The following SVIL variants were observed in gnomAD, a reference collection of about 807,000 sequenced individuals.
The protein encoded by SVIL is supervillin.
SVIL carries 101 observed loss-of-function variants against 240.4 expected under a neutral mutation model. That is an observed-to-expected ratio of 0.42 (90% CI 0.36 to 0.50). SVIL has a LOEUF of 0.50. Ranked by LOEUF, SVIL falls within the 20% of genes least tolerant of loss-of-function variation. SVIL has a pLI of 0.01. For missense variants in SVIL, 2,512 were observed against 2,818.7 expected (o/e 0.89, Z 2.46); for synonymous variants, 999 against 1,100.0 (o/e 0.91, Z 1.82).
intron 1 of SVIL, among the ~76,000 whole-genome samples, chr10:29,634,154 T>G (rs1752796): frequency 1 from 151,784 of 151,814 alleles, 75,877 homozygotes; most frequent in Middle Eastern, 1. Flanking sequence ...TAATCAAATT[T>G]TTAGTATTAA....
intron 5 of SVIL, among the ~76,000 whole-genome samples, chr10:29,551,489 C>T (rs1379491616): frequency 1.3e-5 from 2 of 152,248 alleles, no homozygotes; most frequent in Non-Finnish European, 2.9e-5. Flanking sequence ...GCACGTTCTG[C>T]AAGCCCCGTA....
chr10:29,582,872 C>T (rs575803214), intron 1 of SVIL, among the ~76,000 whole-genome samples: 7 of 152,222 alleles, frequency 4.6e-5, no homozygotes, highest in South Asian at 2.1e-4. Flanking sequence ...CCTCTCCTCT[C>T]GTGAGAAGAA....
At chr10:29,699,427 T>C (rs1962335215) in intron 1 of SVIL, among the ~76,000 whole-genome samples, 1 of 152,256 alleles carries the variant, frequency 6.6e-6, no homozygotes, top group African/African-American at 2.4e-5. Context: ...CTCAGCCTCC[T>C]GAGTAGCTGG....
chr10:29,534,137 CAGAACTAATGAA>C (rs1951575373), intron 7 of SVIL, among the ~76,000 whole-genome samples: 1 of 152,178 alleles, frequency 6.6e-6, no homozygotes, highest in African/African-American at 2.4e-5. Context: ...TAGTTGCTGA[CAGAACTAATGAA>C]GTGAACATTT....
chr10:29,510,338 G>A (rs1185394540), intron 17 of SVIL, among the ~76,000 whole-genome samples: 3 of 152,048 alleles, frequency 2.0e-5, no homozygotes, highest in Non-Finnish European at 4.4e-5. Context: ...TTTTTAATGT[G>A]ACTCCAAGGA....
intron 1 of SVIL, among the ~76,000 whole-genome samples, chr10:29,706,409 T>C (rs1289662246): frequency 6.6e-6 from 1 of 152,228 alleles, no homozygotes; most frequent in Non-Finnish European, 1.5e-5. Flanking sequence ...AGATCAGTAA[T>C]GTCAAGCTTT....
intron 1 of SVIL, among the ~76,000 whole-genome samples, chr10:29,629,429 A>C (rs541167088): frequency 2.8e-4 from 43 of 152,200 alleles, no homozygotes; most frequent in South Asian, 1.2e-3. Flanking sequence ...TGTTTGTTGA[A>C]TCTCTAAGTC....
Position 29,735,534 on chromosome 10 carries a change from G to A in SVIL, c.-400+217C>T, listed in dbSNP as rs1249409511. Among the ~76,000 whole-genome samples the A allele has an allele frequency of 8.0e-5, 12 of 150,242 alleles. No homozygotes were observed. The highest frequency in any genetic ancestry group is 2.9e-4 in the African/African-American group (12 of 41,076). On this transcript the variant is annotated intron_variant, in intron 1 of 35. Coordinates refer to the SVIL transcript ENST00000375400. This position sits in a 1 kb window ranked among gnomAD's most constrained non-coding sequence, Gnocchi z 4.1. ...TTACGGCTCGGGGACCCCGCGGGCC[G>A]AGCGCAGCGCCCCGTCGCAGCGGCC...
intron 3 of SVIL, among the ~76,000 whole-genome samples, chr10:29,561,584 ATTT>A (rs199711026): frequency 6.9e-6 from 1 of 144,660 alleles, no homozygotes; most frequent in Non-Finnish European, 1.5e-5. Context: ...CTCAGAGGAA[ATTT>A]TTTTTTTTTT....
At position 29,532,024 on chromosome 10, in the gene SVIL, C is replaced by A; in HGVS notation, c.1987G>T (p.Ala663Ser). The stretch of plus-strand genomic sequence containing the variant: ...TACCTATCCGATTCCTTTCGTTCTG[C>A]TGAAGTTATAGGTTGGGTTCTAAAT... ...ERFRTQPITS[A>S]ERKESDRCTS... The change falls in exon 9 of 38, where the codon GCA (alanine) becomes TCA (serine). Residue 663 changes from alanine (A) to serine (S), a missense_variant. By Grantham distance (99) the Ala-to-Ser change is moderately conservative. Around this residue, in one of 3 missense-constraint regions of SVIL, gnomAD observed 1,443 missense variants for 1,486.6 expected, o/e 0.97. Coordinates refer to ENST00000355867, the MANE Select transcript of SVIL (RefSeq NM_021738.3). The A allele has an allele frequency of 6.2e-7, 1 of 1,614,172 alleles. No homozygotes were observed. Among genetic ancestry groups the A allele is most frequent in the Non-Finnish European group, 8.5e-7 (1 of 1,180,028 alleles).
At chr10:29,630,125 C>G (rs143106538) in intron 1 of SVIL, among the ~76,000 whole-genome samples, 93 of 152,232 alleles carry the variant, frequency 6.1e-4, no homozygotes, top group African/African-American at 2.1e-3. Flanking sequence ...CTGTCCGAGA[C>G]ACTCTGGGAA....
At chr10:29,471,383 G>C (rs1460528637) in intron 30 of SVIL, 140 bp from the exon 31 acceptor site, 3 of 648,430 alleles carry the variant, frequency 4.6e-6, no homozygotes, top group Non-Finnish European at 7.7e-6. Context: ...CACCTAAAGA[G>C]AAGCTCTGCG....
intron 3 of SVIL, among the ~76,000 whole-genome samples, chr10:29,645,896 G>C (rs999083102): frequency 1.3e-5 from 2 of 152,228 alleles, no homozygotes; most frequent in Non-Finnish European, 2.9e-5. Flanking sequence ...AAAGGGAAGA[G>C]AGAAAATAAA....
chr10:29,546,348 A>C (rs1312284158), intron 6 of SVIL, among the ~76,000 whole-genome samples: 1 of 152,130 alleles, frequency 6.6e-6, no homozygotes, highest in Non-Finnish European at 1.5e-5. Context: ...TACTTCACCT[A>C]TTTCGTTACT....
At chr10:29,613,446 C>A (rs1477627118) in intron 1 of SVIL, among the ~76,000 whole-genome samples, 3 of 152,116 alleles carry the variant, frequency 2.0e-5, no homozygotes, top group Non-Finnish European at 2.9e-5. Context: ...AATGCTTCTG[C>A]CTCAGCCTTG....
chr10:29,682,802 A>G (rs970687390), intron 2 of SVIL, among the ~76,000 whole-genome samples: 1 of 152,212 alleles, frequency 6.6e-6, no homozygotes, highest in African/African-American at 2.4e-5. Context: ...ACTGTGCTTC[A>G]CCTCATGTTT....
rs1039784504 is a variant in SVIL, at chr10:29,634,474, C to A, written c.-255G>T. 1.4e-4 allele frequency: 21 copies of A among 152,170 alleles called. No individual in the cohort carries two copies. Among genetic ancestry groups the A allele is most frequent in the African/African-American group, 4.8e-4 (20 of 41,444 alleles). 9.4% of individuals were successfully genotyped at this position (152,170 alleles called of 1,614,324 possible). ...TAAGTTAAAGGGGGAAAGAAAATCA[C>A]ACTGCAATTCCTTATTTTTCTAATT... On this transcript the variant is annotated 5_prime_UTR_variant, in exon 1 of 38. Transcript: ENST00000355867.
intron 35 of SVIL, among the ~76,000 whole-genome samples, chr10:29,462,750 A>G (rs928842895): frequency 2.6e-5 from 4 of 152,172 alleles, no homozygotes; most frequent in Non-Finnish European, 4.4e-5. Context: ...TTCCTAGCAC[A>G]GGATTAACTC....
chr10:29,720,489 T>A (rs988843673), intron 1 of SVIL, among the ~76,000 whole-genome samples: 9 of 152,262 alleles, frequency 5.9e-5, no homozygotes, highest in Non-Finnish European at 1.2e-4. Flanking sequence ...AAAAATGGAA[T>A]GAATTCATCA....
Sources: allele counts gnomAD v4.1 joint callset (sites outside exome capture counted in the v4.1 genomes callset), GRCh38; gene constraint gnomAD v4.1.1; regional missense constraint gnomAD v4.1.1; non-coding constraint Gnocchi (gnomAD v3.1); transcripts MANE v1.5; gene names NCBI Gene and HGNC (gene_info 2026-07-23, HGNC 2026-07-21).